Variants in SLC24A1 observed in about 807,000 individuals in gnomAD.
SLC24A1 encodes solute carrier family 24 member 1.
SLC24A1 carries 52 observed loss-of-function variants against 88.1 expected under a neutral mutation model. That is an observed-to-expected ratio of 0.59 (90% CI 0.47 to 0.74). The LOEUF is 0.74. SLC24A1 is among the 30% of genes least tolerant of loss of function. SLC24A1 has a pLI of 0.00. For synonymous variants in SLC24A1, 455 were observed against 498.0 expected, an observed-to-expected ratio of 0.91 and a Z score of 1.15; for missense variants, 1,173 against 1,363.3, an observed-to-expected ratio of 0.86 and a Z score of 2.20.
upstream of SLC24A1, among the ~76,000 whole-genome samples, chr15:65,619,240 A>C (rs775756405): frequency 1.3e-5 from 2 of 152,164 alleles, no homozygotes; most frequent in African/African-American, 2.4e-5. Context: ...TGGTTTCATA[A>C]ATGAGGAGCC....
downstream of SLC24A1, among the ~76,000 whole-genome samples, chr15:65,656,485 T>C (rs1274787381): frequency 2.6e-5 from 4 of 152,260 alleles, no homozygotes; most frequent in Non-Finnish European, 5.9e-5. Flanking sequence ...ATTAAATTTT[T>C]TGGTCACACA....
rs2141753846 is a variant in SLC24A1, at chr15:65,656,044, A to G, written c.*1965A>G. 1.0e-6 allele frequency: 1 copy of G among 985,374 alleles called. No homozygotes were observed. Among genetic ancestry groups the G allele is most frequent in the South Asian group, 4.7e-5 (1 of 21,276 alleles). The allele number at this position is 985,374 out of a possible 1,614,324, so 61.0% of individuals were successfully genotyped here. On this transcript the variant is annotated 3_prime_UTR_variant, in exon 10 of 10. Coordinates refer to ENST00000261892, the MANE Select transcript of SLC24A1 (RefSeq NM_004727.3). The stretch of plus-strand genomic sequence containing the variant: ...GGCCTAAGAACAGGAGGAGAAGGCA[A>G]TGCTTGTGGGAGGGAGGTCCCAATA...
At position 65,650,730 on chromosome 15, in the gene SLC24A1, GAGGAGGAAGAGGAGGAGGAAGAGC is replaced by G. The variant is rs751090376; in HGVS notation, c.2601_2624del (p.Gln869_Glu876del). On this transcript the variant is annotated inframe_deletion, in exon 7 of 10. Coordinates refer to ENST00000261892, the MANE Select transcript of SLC24A1 (RefSeq NM_004727.3). The surrounding 1 kb of genome is among the most constrained non-coding windows in gnomAD (Gnocchi z 4.1). The stretch of plus-strand genomic sequence containing the variant: ...GGGAAGTGATGGAGGGGATAGCGAA[GAGGAGGAAGAGGAGGAGGAAGAGC>G]AGGAGGAAGAGGAGGAGGAGGAAGA... The G allele has an allele frequency of 2.5e-6, 4 of 1,581,094 alleles. No individual in the cohort carries two copies. The highest frequency in any genetic ancestry group is 2.7e-5 in the African/African-American group (2 of 73,992).
chr15:65,624,293 G>A lies in SLC24A1; in HGVS notation c.213G>A (p.Glu71=), dbSNP rs756394373. 2.5e-6 allele frequency: 4 copies of A among 1,613,140 alleles called. No individual in the cohort carries two copies. The highest frequency in any genetic ancestry group is 2.7e-5 in the African/African-American group (2 of 74,950). ...KLASRDLSSE[E]MMMMSSSPSK... ...CCAGTCGGGACCTCTCCAGTGAAGA[G>A]ATGATGATGATGAGCAGCAGCCCTT... The change falls in exon 2 of 10, where the codon GAG becomes GAA. Residue 71 remains glutamate, a synonymous_variant. Transcript: ENST00000261892.
Position 65,654,835 on chromosome 15 carries a change from TG to T in SLC24A1, c.*757del. ...ATTCTCCTGCCTCAGCCTGAAGTCG[TG>T]ATCTGCCCGCCTCGGCCTCCCAAAG... is the stretch of plus-strand genomic sequence containing the variant. On this transcript the variant is annotated 3_prime_UTR_variant, in exon 10 of 10. Coordinates refer to ENST00000261892, the MANE Select transcript of SLC24A1 (RefSeq NM_004727.3). 1 of 1,065,330 alleles carries T rather than the reference TG, an allele frequency of 9.4e-7. No homozygotes were observed. The highest frequency in any genetic ancestry group is 1.2e-6 in the Non-Finnish European group (1 of 816,148). 66.0% of individuals were successfully genotyped at this position (1,065,330 alleles called of 1,614,324 possible). A position where few individuals can be genotyped will look rare whatever the true frequency, so the allele number is the denominator to read the frequency against.
Position 65,624,214 on chromosome 15 carries a change from G to A in SLC24A1, c.134G>A (p.Arg45Gln), listed in dbSNP as rs886051348. 42 of 1,613,694 alleles carry A rather than the reference G, an allele frequency of 2.6e-5. No individual in the cohort carries two copies. The highest frequency in any genetic ancestry group is 4.4e-5 in the South Asian group (4 of 91,066). Residue 45 changes from arginine to glutamine, a missense_variant, in exon 2 of 10, where the codon CGG (arginine) becomes CAG (glutamine). Physicochemically the swap from Arg to Gln is conservative, Grantham distance 43. Coordinates refer to ENST00000261892, the MANE Select transcript of SLC24A1 (RefSeq NM_004727.3). ...GSTYQHLRRPRGLSSLWAAVS... is the reference protein window; with the variant it reads ...GSTYQHLRRPQGLSSLWAAVS... ...ACTTATCAGCACCTTAGGAGACCCC[G>A]GGGCCTTTCCTCATTGTGGGCAGCA...
chr15:65,658,898 T>C (rs2075761003), downstream of SLC24A1, among the ~76,000 whole-genome samples: 1 of 152,106 alleles, frequency 6.6e-6, no homozygotes. Flanking sequence ...TGGGGAGACA[T>C]ACTAGAAAAC....
chr15:65,646,957 TC>T lies in SLC24A1; in HGVS notation c.2232+1255del, dbSNP rs369233035. Among the ~76,000 whole-genome samples the T allele has an allele frequency of 9.9e-5, 15 of 152,264 alleles. No homozygotes were observed. The East Asian group carries it at 1.4e-3, about 14-fold the overall frequency. ...TCCCAGGGCAGGAAGTGAAGCTTGATCTCATGAAGAGCTGGGCCTAGGCCTG... is the reference window on the plus strand; with the variant it reads ...TCCCAGGGCAGGAAGTGAAGCTTGATTCATGAAGAGCTGGGCCTAGGCCTG... On this transcript the variant is annotated intron_variant, in intron 6 of 9. Coordinates refer to ENST00000261892, the MANE Select transcript of SLC24A1 (RefSeq NM_004727.3).
chr15:65,623,685 G>A (rs944479124), intron 1 of SLC24A1, among the ~76,000 whole-genome samples: 2 of 152,110 alleles, frequency 1.3e-5, no homozygotes, highest in African/African-American at 4.8e-5. Context: ...GGGAGGACTT[G>A]GTGGACTCCA....
intron 2 of SLC24A1, among the ~76,000 whole-genome samples, chr15:65,613,315 C>T (rs984235275): frequency 6.6e-6 from 1 of 152,194 alleles, no homozygotes; most frequent in Admixed American, 6.5e-5. Context: ...AACCATGGCT[C>T]TCACAGGGGC....
chr15:65,612,420 C>T (rs1212211373), intron 1 of SLC24A1: 1 of 152,318 alleles, frequency 6.6e-6, no homozygotes, highest in Non-Finnish European at 1.5e-5. Flanking sequence ...ATCTGTCTGA[C>T]TTCTCACAGC....
At chr15:65,660,415 C>A (rs991237874), downstream of SLC24A1, 26 of 935,252 alleles carry the variant, frequency 2.8e-5, no homozygotes, top group African/African-American at 3.5e-4. Context: ...GTGGACTCTA[C>A]TGGCTTTATA....
intron 4 of SLC24A1, among the ~76,000 whole-genome samples, chr15:65,640,350 C>A (rs1449882554): frequency 1.3e-5 from 2 of 152,184 alleles, no homozygotes; most frequent in African/African-American, 4.8e-5. Flanking sequence ...TCCAATTTGA[C>A]AAATGGTGGC....
intron 2 of SLC24A1, among the ~76,000 whole-genome samples, chr15:65,636,748 C>T (rs1289015663): frequency 6.6e-6 from 1 of 151,930 alleles, no homozygotes; most frequent in African/African-American, 2.4e-5. Flanking sequence ...TGGTGGCAAA[C>T]ACCTGTAATC....
intron 4 of SLC24A1, among the ~76,000 whole-genome samples, chr15:65,642,634 T>C (rs1445452909): frequency 6.6e-6 from 1 of 152,186 alleles, no homozygotes. Flanking sequence ...GCACTGGGTT[T>C]GTCTGGACGA....
intron 3 of SLC24A1, among the ~76,000 whole-genome samples, chr15:65,639,008 A>C (rs905457388): frequency 6.6e-5 from 10 of 152,332 alleles, no homozygotes; most frequent in African/African-American, 2.2e-4. Flanking sequence ...ATGGGCAGAA[A>C]AAAAACCAAA....
In SLC24A1 at chr15:65,639,626, C is replaced by G. The variant is rs367858805; in HGVS notation, c.1976C>G (p.Ser659Trp). 5 of 1,612,120 alleles carry G rather than the reference C, an allele frequency of 3.1e-6. No individual in the cohort carries two copies. In the South Asian group the frequency reaches 5.5e-5, roughly 18 times the overall value. Reference sequence around the variant, plus strand: ...TCCTTGCTGACCCGAGGGAGCAGCTCGACCTCTCTGCACAACAGCACCATC... The same window carrying G: ...TCCTTGCTGACCCGAGGGAGCAGCTGGACCTCTCTGCACAACAGCACCATC... ...LPSLLTRGSS[S>W]TSLHNSTIRS... The change falls in exon 4 of 10, where the codon TCG becomes TGG. Residue 659 changes from serine to tryptophan, a missense_variant. Coordinates refer to ENST00000261892, the MANE Select transcript of SLC24A1 (RefSeq NM_004727.3).
chr15:65,645,795 C>A, intron 6 of SLC24A1, 92 bp downstream of exon 6: 1 of 802,412 alleles, frequency 1.2e-6, no homozygotes, highest in South Asian at 1.6e-5. Context: ...GTCTGAAATC[C>A]TATTTGAGGT....
At chr15:65,620,360 A>T (rs1197479909), upstream of SLC24A1, among the ~76,000 whole-genome samples, 1 of 152,172 alleles carries the variant, frequency 6.6e-6, no homozygotes, top group Non-Finnish European at 1.5e-5. Context: ...AAAGCAGAAA[A>T]ACAACAATAG....
Sources: gnomAD v4.1 joint callset for allele counts (sites outside exome capture counted in the v4.1 genomes callset) on GRCh38, gnomAD v4.1.1 for gene constraint, Gnocchi (gnomAD v3.1) non-coding constraint, MANE v1.5 for transcripts, NCBI Gene and HGNC (gene_info 2026-07-23, HGNC 2026-07-21) for gene names.